Variants in MDGA1 observed in about 807,000 individuals in gnomAD.
The protein encoded by MDGA1 is MAM domain-containing glycosylphosphatidylinositol anchor protein 1.
In MDGA1, 54 loss-of-function variants were observed where a neutral mutation model predicts 101.5. The ratio of observed to expected loss-of-function variants is 0.53; its 90% CI spans 0.43 to 0.67. The LOEUF (loss-of-function observed/expected upper bound fraction) is 0.67. MDGA1 is among the 30% of genes least tolerant of loss of function. The pLI is 0.00. For synonymous variants in MDGA1, 533 were observed against 558.3 expected (o/e 0.95, Z 0.64); for missense variants, 1,083 against 1,323.8 (o/e 0.82, Z 2.82).
At chr6:37,680,929 A>G (rs1762080347) in intron 1 of MDGA1, among the ~76,000 whole-genome samples, 1 of 151,992 alleles carries the variant, frequency 6.6e-6, no homozygotes, top group Non-Finnish European at 1.5e-5. Flanking sequence ...CCAGCTGAGC[A>G]GGGCCTGCTG....
At chr6:37,670,766 A>G (rs1302125553) in intron 1 of MDGA1, among the ~76,000 whole-genome samples, 1 of 152,170 alleles carries the variant, frequency 6.6e-6, no homozygotes, top group East Asian at 1.9e-4. Flanking sequence ...TATATTTCCA[A>G]GCTCCTTGCC....
Position 37,635,305 on chromosome 6 carries a change from A to C in MDGA1, c.*2063T>G, listed in dbSNP as rs1763900136. On this transcript the variant is annotated 3_prime_UTR_variant, in exon 17 of 17. Coordinates refer to ENST00000434837, the MANE Select transcript of MDGA1 (RefSeq NM_153487.4). ...CACACCAGGCTCACTTGTGCTGGGC[A>C]CGAGCGGGAGGTGGCGAAGGTGGAG... 1 of 396,998 alleles carries C rather than the reference A, an allele frequency of 2.5e-6. No individual in the cohort carries two copies. The allele number at this position is 396,998 out of a possible 1,614,324, so 24.6% of individuals were successfully genotyped here.
At chr6:37,684,801 G>A (rs1006989141) in intron 1 of MDGA1, among the ~76,000 whole-genome samples, 5 of 152,134 alleles carry the variant, frequency 3.3e-5, no homozygotes, top group African/African-American at 7.2e-5. Flanking sequence ...AGGTCTTGCC[G>A]TGGCACAGAA....
rs1440081690 is a variant in MDGA1, at chr6:37,654,414, G to A, written c.842C>T (p.Pro281Leu). 6.2e-7 allele frequency: 1 copy of A among 1,613,836 alleles called. No homozygotes were observed. Among genetic ancestry groups the A allele is most frequent in the Non-Finnish European group, 8.5e-7 (1 of 1,179,862 alleles). ...CTGGGCCAGAGCACCCAGGGGCAGT[G>A]GGCCAGGCCCATGGGACCACTGCAG... Reference protein sequence around the residue: ...PQLQWSHGPGPLPLGALAQGG... With the variant: ...PQLQWSHGPGLLPLGALAQGG... Residue 281 changes from proline to leucine, a missense_variant, in exon 6 of 17, where the codon CCA becomes CTA. This residue lies in a region of MDGA1 where 116 missense variants were observed against 196.6 expected (regional missense o/e 0.59). Transcript: ENST00000434837.
Position 37,647,176 on chromosome 6 carries a change from G to A in MDGA1, c.2043C>T (p.Arg681=), listed in dbSNP as rs1190852890. 1 of 1,593,756 alleles carries A rather than the reference G, an allele frequency of 6.3e-7. No individual in the cohort carries two copies. Among genetic ancestry groups the A allele is most frequent in the South Asian group, 1.1e-5 (1 of 87,330 alleles). ...CCCCCGCTCCCCCTTGGCCCACCTG[G>A]CGGATGCTGAGTCTGTAGTTGAGCA... is the stretch of plus-strand genomic sequence containing the variant. ...DPVLNYRLSI[R]QLNQHNAVVK... The change falls in exon 10 of 17, where the codon CGC becomes CGT. Residue 681 remains arginine, a synonymous_variant. Transcript: ENST00000434837.
At position 37,650,221 on chromosome 6, in the gene MDGA1, C is replaced by T. The variant is rs777360242; in HGVS notation, c.1497G>A (p.Leu499=). 1.9e-5 allele frequency: 31 copies of T among 1,611,912 alleles called. No individual in the cohort carries two copies. The highest frequency in any genetic ancestry group is 2.5e-5 in the Non-Finnish European group (30 of 1,179,502). Residue 499 remains leucine (L), a synonymous_variant, in exon 8 of 17, where the codon CTG becomes CTA. Transcript: ENST00000434837. Reference sequence around the variant, plus strand: ...TGTCTCGGCTCACTCGCTCCAGCCGCAGCTTCCCGTCCGGAGTCTCCTCCA... The same window carrying T: ...TGTCTCGGCTCACTCGCTCCAGCCGTAGCTTCCCGTCCGGAGTCTCCTCCA... ...LPLEETPDGK[L]RLERVSRDMS...
rs1020056904 is a variant in MDGA1, at chr6:37,652,969, A to G, written c.983-629T>C. ...GTGAGTGTAATTTTTGTAATAAGAG[A>G]CCAATACGATCACTTTACATGCAAT... On this transcript the variant is annotated intron_variant, in intron 6 of 16. Transcript: ENST00000434837. This position sits in a 1 kb window ranked among gnomAD's most constrained non-coding sequence, Gnocchi z 4.3. 1.3e-5 allele frequency among the ~76,000 whole-genome samples: 2 copies of G among 152,220 alleles called. No homozygotes were observed. Among genetic ancestry groups the G allele is most frequent in the African/African-American group, 4.8e-5 (2 of 41,460 alleles).
chr6:37,647,411 A>T, intron 9 of MDGA1, 87 bp from the exon 10 acceptor site: 1 of 783,142 alleles, frequency 1.3e-6, no homozygotes, highest in Non-Finnish European at 2.0e-6. Flanking sequence ...AAACAAGAGG[A>T]TGAGGTGGAA....
intron 1 of MDGA1, among the ~76,000 whole-genome samples, chr6:37,685,490 CAT>C (rs1348816508): frequency 6.6e-6 from 1 of 152,140 alleles, no homozygotes; most frequent in African/African-American, 2.4e-5. Flanking sequence ...TGCTTGGTCT[CAT>C]GTGGGTGTGG....
intron 1 of MDGA1, among the ~76,000 whole-genome samples, chr6:37,679,844 C>T (rs761779336): frequency 2.6e-5 from 4 of 152,138 alleles, no homozygotes; most frequent in African/African-American, 4.8e-5. Flanking sequence ...AGGCACAGTG[C>T]GACACCTGCC....
In MDGA1 at chr6:37,649,009, A is replaced by G; in HGVS notation, c.1867T>C (p.Ser623Pro). The G allele has an allele frequency of 1.3e-6, 2 of 1,552,532 alleles. No individual in the cohort carries two copies. The highest frequency in any genetic ancestry group is 1.4e-5 in the African/African-American group (1 of 72,270). Residue 623 changes from serine to proline, a missense_variant, in exon 9 of 17, where the codon TCG becomes CCG. Physicochemically the swap from Ser to Pro is moderately conservative, Grantham distance 74 (BLOSUM62 -1). Transcript: ENST00000434837. ...YECSVSNDVG[S>P]AACLFQVSAK... ...GAGACCTGGAAGAGGCAGGCAGCCG[A>G]GCCCACATCGTTGGAGACGCTGCAC...
intron 1 of MDGA1, among the ~76,000 whole-genome samples, chr6:37,690,252 G>A (rs551158125): frequency 1.5e-3 from 231 of 152,258 alleles, no homozygotes; most frequent in African/African-American, 4.9e-3. Flanking sequence ...TCTCCAGCAC[G>A]GCCTCCTCCC....
chr6:37,683,568 G>A (rs1047463900), intron 1 of MDGA1, among the ~76,000 whole-genome samples: 9 of 152,252 alleles, frequency 5.9e-5, no homozygotes, highest in African/African-American at 1.7e-4. Flanking sequence ...CGCTGCCTGT[G>A]TGTGCAGTGG....
At position 37,647,260 on chromosome 6, in the gene MDGA1, G is replaced by A. The variant is rs1458926086; in HGVS notation, c.1959C>T (p.Ser653=). Residue 653 remains serine, a synonymous_variant, in exon 10 of 17, where the codon TCC becomes TCT. Transcript: ENST00000434837. ...TPNPTRSHKL[S]KNYSYVLQWT... The stretch of plus-strand genomic sequence containing the variant: ...ACTGCAGCACGTAGGAGTAGTTCTT[G>A]GACAGCTTGTGGCTGCGGGTGGGGT... 2 of 1,572,364 alleles carry A rather than the reference G, an allele frequency of 1.3e-6. No individual in the cohort carries two copies. The highest frequency in any genetic ancestry group is 8.6e-7 in the Non-Finnish European group (1 of 1,159,120).
At chr6:37,656,456 T>C (rs1360779273) in intron 3 of MDGA1, among the ~76,000 whole-genome samples, 1 of 151,450 alleles carries the variant, frequency 6.6e-6, no homozygotes, top group Non-Finnish European at 1.5e-5. Context: ...CACTGCAGCC[T>C]CAACCTCCTG....
chr6:37,635,234 A>G lies in MDGA1; in HGVS notation c.*2134T>C. Reference sequence around the variant, plus strand: ...GTTCTATTCTGCAGGCAAGGCCAGGAACCACTGATTACAGAATCCATTCCA... The same window carrying G: ...GTTCTATTCTGCAGGCAAGGCCAGGGACCACTGATTACAGAATCCATTCCA... On this transcript the variant is annotated 3_prime_UTR_variant, in exon 17 of 17. Transcript: ENST00000434837. 2 of 387,556 alleles carry G rather than the reference A, an allele frequency of 5.2e-6. No homozygotes were observed. Among genetic ancestry groups the G allele is most frequent in the Non-Finnish European group, 9.1e-6 (2 of 219,484 alleles). 24.0% of individuals were successfully genotyped at this position (387,556 alleles called of 1,614,324 possible). A position where few individuals can be genotyped will look rare whatever the true frequency, so the allele number is the denominator to read the frequency against.
chr6:37,693,467 C>T (rs1762355832), intron 1 of MDGA1, among the ~76,000 whole-genome samples: 1 of 152,220 alleles, frequency 6.6e-6, no homozygotes, highest in African/African-American at 2.4e-5. Context: ...TGACTTCCAC[C>T]AGTAAGTTGC....
intron 12 of MDGA1, 54 bp from the exon 13 acceptor site, chr6:37,644,703 C>T: frequency 4.9e-6 from 7 of 1,429,462 alleles, no homozygotes; most frequent in Non-Finnish European, 6.4e-6. Context: ...GTCCCTGAGG[C>T]CCAGCCTCGC....
Position 37,647,157 on chromosome 6 carries a change from C to A in MDGA1, c.2046+16G>T, listed in dbSNP as rs749260401. On this transcript the variant is annotated intron_variant, in intron 10 of 16. Coordinates refer to ENST00000434837, the MANE Select transcript of MDGA1 (RefSeq NM_153487.4). ...CACTCCACCTGCCCCCAGGCCCCCG[C>A]TCCCCCTTGGCCCACCTGGCGGATG... 280 of 1,586,442 alleles carry A rather than the reference C, an allele frequency of 1.8e-4. No homozygotes were observed. Among genetic ancestry groups the A allele is most frequent in the Non-Finnish European group, 2.3e-4 (274 of 1,166,584 alleles).
Sources: gnomAD v4.1 joint callset for allele counts (sites outside exome capture counted in the v4.1 genomes callset) on GRCh38, gnomAD v4.1.1 for gene constraint, gnomAD v4.1.1 regional missense constraint, Gnocchi (gnomAD v3.1) non-coding constraint, MANE v1.5 for transcripts, NCBI Gene and HGNC (gene_info 2026-07-23, HGNC 2026-07-21) for gene names.